PRDM1: variants seen among roughly 807,000 people sequenced by gnomAD.
PRDM1 encodes the protein PR/SET domain 1.
PRDM1 carries 13 observed loss-of-function variants against 62.8 expected under a neutral mutation model. That is an observed-to-expected ratio of 0.21 (90% confidence interval 0.13 to 0.33). The LOEUF (loss-of-function observed/expected upper bound fraction) is 0.33. Ranked by LOEUF, PRDM1 falls within the 10% of genes least tolerant of loss-of-function variation. PRDM1 has a pLI of 1.00. For synonymous variants in PRDM1, 396 were observed against 417.6 expected (o/e 0.95, Z 0.63); for missense variants, 895 against 1,058.8 (o/e 0.85, Z 2.15).
At chr6:106,032,854 T>A (rs910516897) in intron 1 of PRDM1, among the ~76,000 whole-genome samples, 2 of 152,270 alleles carry the variant, frequency 1.3e-5, no homozygotes, top group Non-Finnish European at 2.9e-5. Flanking sequence ...TTCTTGATTA[T>A]TTTAATTCTA....
Position 106,107,042 on chromosome 6 carries a change from G to A in PRDM1, c.2034G>A (p.Lys678=), listed in dbSNP as rs2114662598. ...AGTTTGTGCACCTGAAACTGCACAA[G>A]CGTCTGCACACCCGGGAGCGGCCCC... ...FTQFVHLKLH[K]RLHTRERPHK... Residue 678 remains lysine (K), a synonymous_variant, in exon 7 of 7, where the codon AAG becomes AAA. Coordinates refer to ENST00000369096, the MANE Select transcript of PRDM1 (RefSeq NM_001198.4). 2 of 1,614,246 alleles carry A rather than the reference G, an allele frequency of 1.2e-6. No individual in the cohort carries two copies. Among genetic ancestry groups the A allele is most frequent in the Non-Finnish European group, 1.7e-6 (2 of 1,180,052 alleles).
At chr6:106,021,645 A>C (rs1225341675) in intron 1 of PRDM1, among the ~76,000 whole-genome samples, 1 of 152,222 alleles carries the variant, frequency 6.6e-6, no homozygotes. Context: ...ATTGAGACAG[A>C]GTTTCACTCT....
chr6:106,083,839 A>C (rs1773741448), upstream of PRDM1, among the ~76,000 whole-genome samples: 1 of 152,218 alleles, frequency 6.6e-6, no homozygotes, highest in African/African-American at 2.4e-5. Flanking sequence ...GATTCCAGAC[A>C]GTGGCAGCCT....
At chr6:106,034,607 C>T (rs918843644) in intron 1 of PRDM1, among the ~76,000 whole-genome samples, 1 of 145,936 alleles carries the variant, frequency 6.9e-6, no homozygotes, top group African/African-American at 2.5e-5. Flanking sequence ...GATAACACTA[C>T]AGTCTTACAG....
chr6:106,104,013 T>C (rs1056848586), intron 4 of PRDM1, among the ~76,000 whole-genome samples: 1 of 152,216 alleles, frequency 6.6e-6, no homozygotes, highest in East Asian at 1.9e-4. Flanking sequence ...CAGGGCTTTA[T>C]CAAATTCGTA....
chr6:106,072,483 T>C (rs1210610141), intron 1 of PRDM1, among the ~76,000 whole-genome samples: 2 of 152,196 alleles, frequency 1.3e-5, no homozygotes, highest in Non-Finnish European at 2.9e-5. Flanking sequence ...TTTTCTGTTA[T>C]AGAAGGGGGA....
chr6:106,103,131 C>G (rs972304922), intron 4 of PRDM1, among the ~76,000 whole-genome samples: 2 of 152,028 alleles, frequency 1.3e-5, no homozygotes, highest in Non-Finnish European at 2.9e-5. Flanking sequence ...CCATCACGGC[C>G]CCCCCGTCAG....
chr6:106,091,486 A>C (rs1773958988), intron 2 of PRDM1, among the ~76,000 whole-genome samples: 2 of 152,184 alleles, frequency 1.3e-5, no homozygotes, highest in Admixed American at 6.5e-5. Context: ...CTCCTTTTAA[A>C]AATGGGGTGA....
rs1489356869 is a variant in PRDM1 at position 106,106,367 on chromosome 6, C to T, written c.1774-4C>T. ...CAGAGCTAACACATGTGGCTTCTTC[C>T]CAGGTCCACCTGAGAGTGCACAGTG... On this transcript the variant is annotated splice_polypyrimidine_tract_variant and splice_region_variant and intron_variant, in intron 5 of 6. Coordinates refer to ENST00000369096, the MANE Select transcript of PRDM1 (RefSeq NM_001198.4). This position sits in a 1 kb window ranked among gnomAD's most constrained non-coding sequence, Gnocchi z 4.4. 1.2e-6 allele frequency: 2 copies of T among 1,614,032 alleles called. No individual in the cohort carries two copies. The highest frequency in any genetic ancestry group is 3.3e-5 in the Admixed American group (2 of 60,028).
chr6:106,021,582 T>C (rs1323007203), intron 1 of PRDM1, among the ~76,000 whole-genome samples: 1 of 152,178 alleles, frequency 6.6e-6, no homozygotes, highest in Non-Finnish European at 1.5e-5. Flanking sequence ...AGAAGCAAAA[T>C]GGAACATTCA....
Position 106,007,241 on chromosome 6 carries a change from C to T in PRDM1, c.-67+13602C>T, listed in dbSNP as rs12530281. 2.5e-3 allele frequency among the ~76,000 whole-genome samples: 373 copies of T among 151,834 alleles called. 11 individuals are homozygous for T. The highest frequency in any genetic ancestry group is 4.4e-3 in the South Asian group (21 of 4,766). Reference sequence around the variant, plus strand: ...GGTCAGGAGTTCGAGACTTGCCTGGCCAACACGGTGAAACTCCATCTCTAC... The same window carrying T: ...GGTCAGGAGTTCGAGACTTGCCTGGTCAACACGGTGAAACTCCATCTCTAC... On this transcript the variant is annotated intron_variant, in intron 1 of 6. Coordinates refer to the PRDM1 transcript ENST00000652320.
At position 106,105,938 on chromosome 6, in the gene PRDM1, G is replaced by T; in HGVS notation, c.1773+5G>T. ...GGCCAGCTCTCCAATCTGAAGGTAGGCCTTGAGAGAGAGCAGTCCAAGGGG... is the reference window on the plus strand; with the variant it reads ...GGCCAGCTCTCCAATCTGAAGGTAGTCCTTGAGAGAGAGCAGTCCAAGGGG... On this transcript the variant is annotated splice_donor_5th_base_variant and intron_variant, in intron 5 of 6. Coordinates refer to ENST00000369096, the MANE Select transcript of PRDM1 (RefSeq NM_001198.4). 2 of 1,609,956 alleles carry T rather than the reference G, an allele frequency of 1.2e-6. No homozygotes were observed. The highest frequency in any genetic ancestry group is 1.7e-6 in the Non-Finnish European group (2 of 1,177,710).
intron 1 of PRDM1, among the ~76,000 whole-genome samples, chr6:106,037,304 C>G (rs1405242331): frequency 6.6e-6 from 1 of 152,110 alleles, no homozygotes; most frequent in Non-Finnish European, 1.5e-5. Flanking sequence ...TGATGATTCA[C>G]TTTTCTTGAT....
intron 2 of PRDM1, among the ~76,000 whole-genome samples, chr6:106,094,414 C>A (rs796853435): frequency 6.6e-6 from 1 of 152,116 alleles, no homozygotes; most frequent in Non-Finnish European, 1.5e-5. Context: ...TGAATAGTGA[C>A]GAATTGCTTC....
chr6:106,034,094 TA>T (rs1772889785), intron 1 of PRDM1, among the ~76,000 whole-genome samples: 1 of 152,210 alleles, frequency 6.6e-6, no homozygotes, highest in South Asian at 2.1e-4. Flanking sequence ...GAATCAGTAG[TA>T]ATGTTCCCAC....
chr6:106,057,010 C>G (rs1193105981), intron 1 of PRDM1, among the ~76,000 whole-genome samples: 1 of 152,150 alleles, frequency 6.6e-6, no homozygotes, highest in Non-Finnish European at 1.5e-5. Flanking sequence ...TTTGAATAGC[C>G]AGAAAGGGTT....
intron 4 of PRDM1, among the ~76,000 whole-genome samples, chr6:106,102,129 T>A (rs1472081108): frequency 1.3e-5 from 2 of 152,232 alleles, no homozygotes; most frequent in Admixed American, 1.3e-4. Context: ...GTCTTGGGGT[T>A]CTTATTATAG....
chr6:106,025,454 TTTAA>T (rs1178555289), intron 1 of PRDM1, among the ~76,000 whole-genome samples: 2 of 152,224 alleles, frequency 1.3e-5, no homozygotes, highest in African/African-American at 4.8e-5. Flanking sequence ...TTAAAAAATA[TTTAA>T]TTAGTATTTA....
At chr6:106,000,326 C>T (rs538610630) in intron 1 of PRDM1, among the ~76,000 whole-genome samples, 54 of 152,296 alleles carry the variant, frequency 3.5e-4, no homozygotes, top group Non-Finnish European at 6.0e-4. Context: ...GTCCCAGCTA[C>T]TCTCAAGGCT....
Sources: allele counts gnomAD v4.1 joint callset (sites outside exome capture counted in the v4.1 genomes callset), GRCh38; gene constraint gnomAD v4.1.1; non-coding constraint Gnocchi (gnomAD v3.1); transcripts MANE v1.5; gene names NCBI Gene and HGNC (gene_info 2026-07-23, HGNC 2026-07-21).